The following SNX13 variants were observed in gnomAD, a reference collection of about 807,000 sequenced individuals.
The protein encoded by SNX13 is sorting nexin-13.
Under a neutral mutation model 133.6 loss-of-function variants are expected in SNX13, and 45 were observed. The ratio of observed to expected loss-of-function variants is 0.34; its 90% CI spans 0.27 to 0.43. SNX13 has a LOEUF of 0.43. Ranked by LOEUF, SNX13 falls within the 20% of genes least tolerant of loss-of-function variation. The probability of loss-of-function intolerance (pLI) is 1.00; values close to 1 mark genes in which losing one functional copy is unlikely to be tolerated. For missense variants in SNX13, 1,032 were observed against 1,145.1 expected, an observed-to-expected ratio of 0.90 and a Z score of 1.43; for synonymous variants, 414 against 373.9, an observed-to-expected ratio of 1.11 and a Z score of -1.24.
chr7:17,812,004 G>T (rs890897165), intron 20 of SNX13, among the ~76,000 whole-genome samples: 2 of 152,054 alleles, frequency 1.3e-5, no homozygotes, highest in South Asian at 4.2e-4. Context: ...ACTCAACATG[G>T]ATTAAAGACT....
At chr7:17,931,631 A>G (rs889464824) in intron 1 of SNX13, among the ~76,000 whole-genome samples, 2 of 152,242 alleles carry the variant, frequency 1.3e-5, no homozygotes, top group African/African-American at 4.8e-5. Flanking sequence ...GGATTCTCCA[A>G]CAATGCACAG....
At chr7:17,803,892 A>G (rs1394639278) in intron 20 of SNX13, among the ~76,000 whole-genome samples, 1 of 151,134 alleles carries the variant, frequency 6.6e-6, no homozygotes, top group Non-Finnish European at 1.5e-5. Flanking sequence ...AAAAAAAAAA[A>G]AAAAAAAAAG....
At chr7:17,850,468 G>T in intron 10 of SNX13, 33 bp from the exon 11 acceptor site, 3 of 1,311,894 alleles carry the variant, frequency 2.3e-6, no homozygotes, top group Non-Finnish European at 2.1e-6. Context: ...CTAGAAAGTG[G>T]TAGTGTTATT....
At chr7:17,889,089 A>G (rs1362863063) in intron 5 of SNX13, 1 of 164,578 alleles carries the variant, frequency 6.1e-6, no homozygotes, top group African/African-American at 2.4e-5. Context: ...AAAAATATTT[A>G]GAAGAGTTAT....
chr7:17,897,177 T>A (rs1797299716), intron 2 of SNX13, among the ~76,000 whole-genome samples, 157 bp downstream of exon 2: 1 of 152,080 alleles, frequency 6.6e-6, no homozygotes, highest in African/African-American at 2.4e-5. Context: ...ATCACTGTTT[T>A]TATTTTTATG....
At chr7:17,829,181 A>T (rs1788215703) in intron 16 of SNX13, among the ~76,000 whole-genome samples, 1 of 151,582 alleles carries the variant, frequency 6.6e-6, no homozygotes, top group African/African-American at 2.4e-5. Flanking sequence ...TAACCTCTAA[A>T]ACATTTAGCT....
At chr7:17,863,929 A>C (rs1793055941) in intron 9 of SNX13, among the ~76,000 whole-genome samples, 1 of 152,192 alleles carries the variant, frequency 6.6e-6, no homozygotes, top group Non-Finnish European at 1.5e-5. Context: ...ATGGCAGTGT[A>C]TTTAGGAGTC....
chr7:17,825,903 G>A (rs955846244), intron 17 of SNX13, 119 bp downstream of exon 17: 9 of 626,842 alleles, frequency 1.4e-5, no homozygotes, highest in South Asian at 3.0e-5. Flanking sequence ...CAGAAAAAAA[G>A]TAACAAAACT....
At chr7:17,885,243 C>A (rs1469596486) in intron 5 of SNX13, among the ~76,000 whole-genome samples, 4 of 146,208 alleles carry the variant, frequency 2.7e-5, no homozygotes, top group African/African-American at 7.7e-5. Context: ...GAAAAAAGAC[C>A]ACATATATTA....
At chr7:17,824,838 C>A (rs755315748) in intron 17 of SNX13, among the ~76,000 whole-genome samples, 7 of 150,386 alleles carry the variant, frequency 4.7e-5, no homozygotes, top group Non-Finnish European at 8.9e-5. Flanking sequence ...GGTGTGATCT[C>A]GGCTCATTGA....
chr7:17,934,657 CAG>C (rs1801823920), intron 1 of SNX13, among the ~76,000 whole-genome samples: 1 of 152,116 alleles, frequency 6.6e-6, no homozygotes, highest in South Asian at 2.1e-4. Flanking sequence ...AAGTGGTTAA[CAG>C]ACTAAATATA....
chr7:17,871,577 T>C (rs1399558600), intron 8 of SNX13, among the ~76,000 whole-genome samples: 3 of 152,190 alleles, frequency 2.0e-5, no homozygotes, highest in Non-Finnish European at 4.4e-5. Context: ...CCCCACCCTT[T>C]GTGTCTGAAC....
Position 17,799,175 on chromosome 7 carries a change from A to C in SNX13, c.2299-21T>G, listed in dbSNP as rs775097657. The C allele has an allele frequency of 6.3e-6, 10 of 1,576,410 alleles. No individual in the cohort carries two copies. The Admixed American group carries it at 1.8e-4, about 29-fold the overall frequency. ...TCCACCTGACAAAATATAAGAAATA[A>C]GAATAAGTTTGAGTTAGCTATCTAC... On this transcript the variant is annotated intron_variant, in intron 22 of 25. Coordinates refer to ENST00000428135, the MANE Select transcript of SNX13 (RefSeq NM_015132.5).
At chr7:17,855,460 C>A (rs904319809) in intron 9 of SNX13, among the ~76,000 whole-genome samples, 1 of 152,132 alleles carries the variant, frequency 6.6e-6, no homozygotes, top group Non-Finnish European at 1.5e-5. Context: ...GGCTACAAAG[C>A]CTCAAAAGAC....
At chr7:17,886,869 T>C (rs768131980) in intron 5 of SNX13, among the ~76,000 whole-genome samples, 38 of 152,010 alleles carry the variant, frequency 2.5e-4, no homozygotes, top group Non-Finnish European at 4.7e-4. Flanking sequence ...TGGTTCACTC[T>C]ATCGCTACAT....
chr7:17,821,486 A>T (rs746345367), intron 18 of SNX13, 23 bp downstream of exon 18: 18 of 1,588,952 alleles, frequency 1.1e-5, no homozygotes, highest in Non-Finnish European at 1.4e-5. Flanking sequence ...CATAAAGTAC[A>T]CAAGTTTTTA....
chr7:17,848,232 TC>T (rs1242481984), intron 11 of SNX13, among the ~76,000 whole-genome samples: 2 of 152,270 alleles, frequency 1.3e-5, no homozygotes, highest in Non-Finnish European at 2.9e-5. Context: ...CAGCCGGACT[TC>T]AGGGGAAGAT....
intron 5 of SNX13, among the ~76,000 whole-genome samples, chr7:17,885,264 A>G (rs1723969135): frequency 1.3e-5 from 2 of 151,160 alleles, no homozygotes; most frequent in Non-Finnish European, 2.9e-5. Flanking sequence ...TTTCATTCAT[A>G]TAAAATGCTC....
chr7:17,792,870 A>C lies in SNX13; in HGVS notation c.*1175T>G, dbSNP rs1783683863. The C allele has an allele frequency of 6.6e-6, 1 of 152,312 alleles. No homozygotes were observed. The highest frequency in any genetic ancestry group is 2.1e-4 in the South Asian group (1 of 4,830). The allele number at this position is 152,312 out of a possible 1,614,324, so 9.4% of individuals were successfully genotyped here. A position where few individuals can be genotyped will look rare whatever the true frequency, so the allele number is the denominator to read the frequency against. On this transcript the variant is annotated 3_prime_UTR_variant, in exon 26 of 26. Transcript: ENST00000428135. Reference sequence around the variant, plus strand: ...GAAAGTATTTTATTTTATTGATATAAAATTAATTTATGGGTTTAAAGGTAT... The same window carrying C: ...GAAAGTATTTTATTTTATTGATATACAATTAATTTATGGGTTTAAAGGTAT...
Sources: gnomAD v4.1 joint callset for allele counts (sites outside exome capture counted in the v4.1 genomes callset) on GRCh38, gnomAD v4.1.1 for gene constraint, MANE v1.5 for transcripts, NCBI Gene and HGNC (gene_info 2026-07-23, HGNC 2026-07-21) for gene names.